DSC2: variants seen among roughly 807,000 people sequenced by gnomAD.
DSC2 encodes desmocollin-2.
Under a neutral mutation model 87.6 loss-of-function variants are expected in DSC2, and 51 were observed. The ratio of observed to expected loss-of-function variants is 0.58; its 90% CI spans 0.46 to 0.74. The LOEUF is 0.74. Ranked by LOEUF, DSC2 falls within the 30% of genes least tolerant of loss-of-function variation. The pLI, the probability that DSC2 is intolerant of heterozygous loss-of-function variation, is 0.00. For missense variants in DSC2, 1,066 were observed against 1,089.5 expected, an observed-to-expected ratio of 0.98 and a Z score of 0.30; for synonymous variants, 383 against 393.2, an observed-to-expected ratio of 0.97 and a Z score of 0.31.
rs555249978 is a variant in DSC2, at chr18:31,066,197, T to C, written c.*1818A>G. ...CACAGCCTTTAGAATAGTCATATTA[T>C]ATAAATATGGCAATAACAATGCACT... On this transcript the variant is annotated 3_prime_UTR_variant, in exon 16 of 16. Coordinates refer to ENST00000280904, the MANE Select transcript of DSC2 (RefSeq NM_024422.6). 5 of 152,294 alleles carry C rather than the reference T, an allele frequency of 3.3e-5. No individual in the cohort carries two copies. The highest frequency in any genetic ancestry group is 1.2e-4 in the African/African-American group (5 of 41,562). The allele number at this position is 152,294 out of a possible 1,614,324, so 9.4% of individuals were successfully genotyped here.
intron 12 of DSC2, among the ~76,000 whole-genome samples, chr18:31,072,384 G>A (rs920648952): frequency 7.2e-5 from 11 of 152,202 alleles, no homozygotes; most frequent in Non-Finnish European, 5.9e-5. Context: ...CACAGCTGCA[G>A]CTGCATCTCC....
chr18:31,101,296 C>CT, intron 1 of DSC2: 1 of 982,190 alleles, frequency 1.0e-6, no homozygotes, highest in Non-Finnish European at 1.2e-6. Flanking sequence ...TCCCCCCGCC[C>CT]TTCTCTCAGA....
chr18:31,082,286 T>A lies in DSC2; in HGVS notation c.1215A>T (p.Lys405Asn), dbSNP rs781472939. The A allele has an allele frequency of 6.2e-7, 1 of 1,613,794 alleles. No individual in the cohort carries two copies. Among genetic ancestry groups the A allele is most frequent in the East Asian group, 2.2e-5 (1 of 44,826 alleles). ...ILKGNENGNF[K>N]IVTDAKTNEG... Reference sequence around the variant, plus strand: ...CATTGGTTTTGGCATCTGTTACAATTTTAAAATTGCCATTTTCATTGCCCT... The same window carrying A: ...CATTGGTTTTGGCATCTGTTACAATATTAAAATTGCCATTTTCATTGCCCT... The change falls in exon 9 of 16, where the codon AAA (lysine) becomes AAT (asparagine). Residue 405 changes from lysine to asparagine, a missense_variant. Coordinates refer to ENST00000280904, the MANE Select transcript of DSC2 (RefSeq NM_024422.6).
rs1987147924 is a variant in DSC2, at chr18:31,079,880, T to C, written c.1630A>G (p.Ile544Val). 6.2e-7 allele frequency: 1 copy of C among 1,613,992 alleles called. No individual in the cohort carries two copies. The highest frequency in any genetic ancestry group is 8.5e-7 in the Non-Finnish European group (1 of 1,179,948). The change falls in exon 11 of 16, where the codon ATA becomes GTA. Residue 544 changes from isoleucine to valine, a missense_variant. Coordinates refer to ENST00000280904, the MANE Select transcript of DSC2 (RefSeq NM_024422.6). ...GATGCAAGGACTGTAATATTATATA[T>C]GCCATTTTTGATGGTCTCTGCCTCT... ...DREAETIKNG[I>V]YNITVLASDQ...
intron 5 of DSC2, among the ~76,000 whole-genome samples, chr18:31,088,449 C>T (rs1304795615): frequency 6.6e-6 from 1 of 152,020 alleles, no homozygotes; most frequent in Non-Finnish European, 1.5e-5. Context: ...CATAGAAAGG[C>T]CAGAACATCC....
At position 31,091,121 on chromosome 18, in the gene DSC2, T is replaced by A; in HGVS notation, c.381A>T (p.Glu127Asp). Residue 127 changes from glutamate to aspartate, a missense_variant, in exon 4 of 16, where the codon GAA becomes GAT. By Grantham distance (45) the Glu-to-Asp change is conservative (BLOSUM62 2). Coordinates refer to ENST00000280904, the MANE Select transcript of DSC2 (RefSeq NM_024422.6). ...TKVLKKRHTK[E>D]KVLRRAKRRW... Reference sequence around the variant, plus strand: ...TTCTCTTGGCGCGCCTTAGAACTTTTTCTTTAGTATGTCTTTTCTTTAGGA... The same window carrying A: ...TTCTCTTGGCGCGCCTTAGAACTTTATCTTTAGTATGTCTTTTCTTTAGGA... 6.2e-7 allele frequency: 1 copy of A among 1,614,000 alleles called. No homozygotes were observed. Among genetic ancestry groups the A allele is most frequent in the South Asian group, 1.1e-5 (1 of 91,078 alleles).
At chr18:31,076,759 C>T (rs1434446527) in intron 11 of DSC2, among the ~76,000 whole-genome samples, 1 of 152,086 alleles carries the variant, frequency 6.6e-6, no homozygotes, top group Non-Finnish European at 1.5e-5. Context: ...GACTGCAGAA[C>T]TAGACAAATA....
At chr18:31,074,975 C>A in intron 11 of DSC2, 68 bp from the exon 12 acceptor site, 1 of 1,465,730 alleles carries the variant, frequency 6.8e-7, no homozygotes. Context: ...ATGCACTGAA[C>A]ACATTGAAAA....
At chr18:31,071,085 G>A (rs1489533471) in intron 13 of DSC2, among the ~76,000 whole-genome samples, 1 of 151,830 alleles carries the variant, frequency 6.6e-6, no homozygotes, top group Non-Finnish European at 1.5e-5. Context: ...CTATAATTAT[G>A]TTACATGTTC....
chr18:31,088,648 A>G (rs1051525028), intron 5 of DSC2, among the ~76,000 whole-genome samples: 2 of 152,176 alleles, frequency 1.3e-5, no homozygotes, highest in Non-Finnish European at 2.9e-5. Flanking sequence ...CATTAGGTTA[A>G]ATTCTTTCAT....
rs1986740749 is a variant in DSC2, at chr18:31,069,128, G to A, written c.2274C>T (p.Thr758=). ...DKVYSANGFT[T]QTVGASAQGV... ...CCTGAGCAGAAGCGCCCACAGTTTG[G>A]GTTGTGAAGCCATTCGCAGAATACT... The change falls in exon 15 of 16, where the codon ACC becomes ACT. Residue 758 remains threonine (T), a synonymous_variant. Transcript: ENST00000280904. The A allele has an allele frequency of 1.2e-6, 2 of 1,614,098 alleles. No individual in the cohort carries two copies. The highest frequency in any genetic ancestry group is 1.1e-5 in the South Asian group (1 of 91,086).
chr18:31,098,375 T>C (rs1450774864), intron 1 of DSC2, among the ~76,000 whole-genome samples: 2 of 152,196 alleles, frequency 1.3e-5, no homozygotes, highest in African/African-American at 4.8e-5. Flanking sequence ...ATATCCTCGA[T>C]CATGTGATAT....
chr18:31,074,472 GAGT>G (rs1359926961), intron 12 of DSC2, among the ~76,000 whole-genome samples: 1 of 141,714 alleles, frequency 7.1e-6, no homozygotes, highest in South Asian at 2.3e-4. Context: ...TGTGTGTTTG[GAGT>G]AGGAGGGAGA....
chr18:31,101,613 A>C, intron 1 of DSC2: 2 of 390,278 alleles, frequency 5.1e-6, no homozygotes, highest in Non-Finnish European at 9.1e-6. Flanking sequence ...GCGCGTACCC[A>C]GGGGCCACGA....
intron 1 of DSC2, among the ~76,000 whole-genome samples, chr18:31,100,915 T>C (rs1006867293): frequency 7.2e-5 from 11 of 152,082 alleles, no homozygotes; most frequent in Admixed American, 2.6e-4. Flanking sequence ...CGGCATTGGC[T>C]TTTTGCGTCT....
In DSC2 at chr18:31,092,300, A is replaced by G. The variant is rs1987629779; in HGVS notation, c.155T>C (p.Val52Ala). ...KLDAEKLVGR[V>A]NLKECFTAAN... ...AGCTGTAAAGCACTCTTTCAGGTTA[A>G]CTGTAGAAAATATGCACAGCAATCA... The change falls in exon 3 of 16, where the codon GTT becomes GCT. Residue 52 changes from valine to alanine, a missense_variant and splice_region_variant. Val to Ala is a moderately conservative substitution (Grantham distance 64, BLOSUM62 0). Coordinates refer to ENST00000280904, the MANE Select transcript of DSC2 (RefSeq NM_024422.6). The G allele has an allele frequency of 1.2e-6, 2 of 1,612,664 alleles. No homozygotes were observed. Among genetic ancestry groups the G allele is most frequent in the Non-Finnish European group, 1.7e-6 (2 of 1,178,842 alleles).
chr18:31,100,563 G>T (rs781330648), intron 1 of DSC2, among the ~76,000 whole-genome samples: 5 of 152,150 alleles, frequency 3.3e-5, no homozygotes, highest in Non-Finnish European at 7.4e-5. Flanking sequence ...TATGCCCTGA[G>T]AATTCAGTTA....
intron 13 of DSC2, 139 bp downstream of exon 13, chr18:31,071,466 G>T: frequency 1.3e-6 from 1 of 767,702 alleles, no homozygotes; most frequent in Non-Finnish European, 2.3e-6. Flanking sequence ...AGAATCACTG[G>T]AATCCAGAGG....
chr18:31,084,041 T>C (rs1277740307), intron 7 of DSC2, among the ~76,000 whole-genome samples: 11 of 152,302 alleles, frequency 7.2e-5, no homozygotes, highest in Admixed American at 7.2e-4. Context: ...TCCTACCTAA[T>C]TTATCTCTTT....
Sources: allele counts gnomAD v4.1 joint callset (sites outside exome capture counted in the v4.1 genomes callset), GRCh38; gene constraint gnomAD v4.1.1; transcripts MANE v1.5; gene names NCBI Gene and HGNC (gene_info 2026-07-23, HGNC 2026-07-21).